The following CCDC97 variants were observed in gnomAD, a reference collection of about 807,000 sequenced individuals.
CCDC97 encodes coiled-coil domain containing 97, also known as coiled-coil domain-containing protein 97.
In CCDC97, 27 loss-of-function variants were observed where a neutral mutation model predicts 33.9. The ratio of observed to expected loss-of-function variants is 0.80; its 90% CI spans 0.59 to 1.10. The LOEUF is 1.10. Among genes scored for constraint, CCDC97 ranks in the 50% least tolerant of loss-of-function variants. CCDC97 has a pLI of 0.00. For synonymous variants in CCDC97, 217 were observed against 194.0 expected (o/e 1.12, Z -0.99); for missense variants, 422 against 476.6 (o/e 0.89, Z 1.07).
chr19:41,318,366 C>T (rs1393872229), intron 2 of CCDC97, among the ~76,000 whole-genome samples: 1 of 152,128 alleles, frequency 6.6e-6, no homozygotes, highest in African/African-American at 2.4e-5. Context: ...GCAGGAGAAT[C>T]ACTTGAACCC....
At chr19:41,310,473 C>T in intron 1 of CCDC97, 117 bp downstream of exon 1, 1 of 1,510,210 alleles carries the variant, frequency 6.6e-7, no homozygotes, top group Non-Finnish European at 8.9e-7. Flanking sequence ...CCCCCCTCAG[C>T]TTTACCGGTC....
rs140569847 is a variant in CCDC97, at chr19:41,319,701, C to T, written c.630C>T (p.Pro210=). 1.0e-4 allele frequency: 167 copies of T among 1,613,966 alleles called. No homozygotes were observed. The highest frequency in any genetic ancestry group is 1.3e-4 in the Non-Finnish European group (152 of 1,179,878). ...ARTPTHQPPK[P]GSPGRPACPL... is the part of the protein sequence containing the mutation. The stretch of plus-strand genomic sequence containing the variant: ...CCCCAACCCACCAGCCCCCCAAGCC[C>T]GGGTCCCCCGGGAGACCTGCTTGCC... Residue 210 remains proline (P), a synonymous_variant, in exon 3 of 5, where the codon CCC becomes CCT. Transcript: ENST00000269967.
intron 1 of CCDC97, among the ~76,000 whole-genome samples, chr19:41,313,991 G>A (rs1036825054): frequency 6.6e-6 from 1 of 151,928 alleles, no homozygotes; most frequent in Non-Finnish European, 1.5e-5. Context: ...GAGCCATGGT[G>A]CCCAGCCAGC....
intron 4 of CCDC97, among the ~76,000 whole-genome samples, chr19:41,321,260 C>T (rs1425367612): frequency 1.3e-4 from 20 of 152,374 alleles, no homozygotes; most frequent in Non-Finnish European, 7.3e-5. Flanking sequence ...CTGGCTGCTC[C>T]ACTTCCAGCC....
intron 4 of CCDC97, among the ~76,000 whole-genome samples, chr19:41,321,017 G>A (rs2037819380): frequency 6.6e-6 from 1 of 152,244 alleles, no homozygotes; most frequent in African/African-American, 2.4e-5. Flanking sequence ...TGTCATTTAA[G>A]GTAGCTTTGC....
chr19:41,322,640 A>G lies in CCDC97; in HGVS notation c.957A>G (p.Ala319=), dbSNP rs1370288755. The G allele has an allele frequency of 2.5e-6, 4 of 1,613,368 alleles. No homozygotes were observed. In the Admixed American group the frequency reaches 6.7e-5, roughly 27 times the overall value. The change falls in exon 5 of 5, where the codon GCA becomes GCG. Residue 319 remains alanine, a synonymous_variant. Coordinates refer to ENST00000269967, the MANE Select transcript of CCDC97 (RefSeq NM_052848.3). The part of the protein sequence containing the change: ...NPDFDNLDIV[A]RDEEERYFDE... ...ACTTCGACAACCTCGACATCGTGGC[A>G]CGGGATGAGGAGGAGAGGTACTTTG...
chr19:41,311,806 G>A (rs1381072611), intron 1 of CCDC97, among the ~76,000 whole-genome samples: 6 of 151,652 alleles, frequency 4.0e-5, no homozygotes, highest in Non-Finnish European at 8.8e-5. Context: ...GTCTGAGGCG[G>A]GAGGATCACT....
rs755824909 is a variant in CCDC97, at chr19:41,320,467, A to G, written c.908A>G (p.Tyr303Cys). Residue 303 changes from tyrosine to cysteine, a missense_variant, in exon 4 of 5, where the codon TAC becomes TGC. By Grantham distance (194) the Tyr-to-Cys change is radical. Transcript: ENST00000269967. ...GATGGCAAGGACGGGGACTTTGACT[A>G]CAGGTGCTCCTGTGCCTCCACCTCC... Reference protein sequence around the residue: ...FLDGKDGDFDYSTVDDNPDFD... With the variant: ...FLDGKDGDFDCSTVDDNPDFD... 5 of 1,613,800 alleles carry G rather than the reference A, an allele frequency of 3.1e-6. No homozygotes were observed. The highest frequency in any genetic ancestry group is 4.2e-6 in the Non-Finnish European group (5 of 1,179,918).
chr19:41,316,537 T>C lies in CCDC97; in HGVS notation c.200T>C (p.Leu67Pro), dbSNP rs1268760375. 6.2e-7 allele frequency: 1 copy of C among 1,614,256 alleles called. No homozygotes were observed. Reference protein sequence around the residue: ...GAENAAVSAMLHAVAASRLPV... With the variant: ...GAENAAVSAMPHAVAASRLPV... ...GAAAATGCAGCAGTGAGTGCTATGC[T>C]GCACGCTGTAGCCGCCAGCCGCCTG... The change falls in exon 2 of 5, where the codon CTG becomes CCG. Residue 67 changes from leucine to proline, a missense_variant. By Grantham distance (98) the Leu-to-Pro change is moderately conservative. Coordinates refer to ENST00000269967, the MANE Select transcript of CCDC97 (RefSeq NM_052848.3).
At position 41,322,774 on chromosome 19, in the gene CCDC97, C is replaced by T; in HGVS notation, c.*59C>T. 1 of 1,579,796 alleles carries T rather than the reference C, an allele frequency of 6.3e-7. No individual in the cohort carries two copies. The highest frequency in any genetic ancestry group is 1.7e-4 in the Middle Eastern group (1 of 5,862). On this transcript the variant is annotated 3_prime_UTR_variant, in exon 5 of 5. Coordinates refer to ENST00000269967, the MANE Select transcript of CCDC97 (RefSeq NM_052848.3). The stretch of plus-strand genomic sequence containing the variant: ...CCATCCCCAACAAGGCAGCTGATTC[C>T]AGGCCTGCTCAGTGACCCTTTCTCT...
rs756032515 is a variant in CCDC97, at chr19:41,322,632, A to G, written c.949A>G (p.Ile317Val). 1 of 1,613,398 alleles carries G rather than the reference A, an allele frequency of 6.2e-7. No individual in the cohort carries two copies. The highest frequency in any genetic ancestry group is 1.1e-5 in the South Asian group (1 of 91,064). Residue 317 changes from isoleucine to valine, a missense_variant, in exon 5 of 5, where the codon ATC (isoleucine) becomes GTC (valine). Transcript: ENST00000269967. The stretch of plus-strand genomic sequence containing the variant: ...CAACCCCGACTTCGACAACCTCGAC[A>G]TCGTGGCACGGGATGAGGAGGAGAG... ...DDNPDFDNLD[I>V]VARDEEERYF...
intron 4 of CCDC97, 72 bp from the exon 5 acceptor site, chr19:41,322,523 C>T: frequency 6.5e-7 from 1 of 1,531,318 alleles, no homozygotes. Flanking sequence ...CATCAGGGTG[C>T]CCCAGGCCTT....
chr19:41,310,976 G>C (rs1177070167), intron 1 of CCDC97: 2 of 590,802 alleles, frequency 3.4e-6, no homozygotes, highest in African/African-American at 4.1e-5. Flanking sequence ...CCAAGAATTG[G>C]TAATTGTGGA....
chr19:41,310,602 CT>C (rs1410370954), intron 1 of CCDC97: 1 of 985,274 alleles, frequency 1.0e-6, no homozygotes, highest in Non-Finnish European at 1.2e-6. Flanking sequence ...TTCCATGTCC[CT>C]AATTCATTTC....
chr19:41,317,791 G>A (rs1175945307), intron 2 of CCDC97, among the ~76,000 whole-genome samples: 3 of 151,172 alleles, frequency 2.0e-5, no homozygotes, highest in Admixed American at 6.6e-5. Flanking sequence ...CACTCAAGCC[G>A]GTGATCCCAG....
rs200453165 is a variant in CCDC97 at position 41,316,625 on chromosome 19, G to T, written c.288G>T (p.Leu96=). ...DLTEHEKVAI[L]AQLYHEKPLV... ...CAGAGCATGAGAAAGTGGCCATCCT[G>T]GCCCAGCTGTACCACGAGAAGCCAC... Residue 96 remains leucine (L), a synonymous_variant, in exon 2 of 5, where the codon CTG becomes CTT. Coordinates refer to ENST00000269967, the MANE Select transcript of CCDC97 (RefSeq NM_052848.3). The T allele has an allele frequency of 1.2e-6, 2 of 1,614,212 alleles. No homozygotes were observed. Among genetic ancestry groups the T allele is most frequent in the African/African-American group, 2.7e-5 (2 of 75,068 alleles).
intron 4 of CCDC97, 99 bp downstream of exon 4, chr19:41,320,569 G>A (rs750319009): frequency 4.1e-6 from 6 of 1,477,404 alleles, no homozygotes; most frequent in Admixed American, 1.7e-5. Context: ...CTCCCTTTGT[G>A]GAGCTACAAG....
intron 1 of CCDC97, among the ~76,000 whole-genome samples, chr19:41,311,379 T>C (rs2123050475): frequency 6.6e-6 from 1 of 152,204 alleles, no homozygotes; most frequent in East Asian, 1.9e-4. Context: ...GAGTGAGACT[T>C]GAGCCCAGGA....
At chr19:41,317,100 T>C (rs1358569465) in intron 2 of CCDC97, among the ~76,000 whole-genome samples, 1 of 152,108 alleles carries the variant, frequency 6.6e-6, no homozygotes, top group Non-Finnish European at 1.5e-5. Context: ...CATTTCAGAT[T>C]GGTAGGCTGA....
Sources: allele counts gnomAD v4.1 joint callset (sites outside exome capture counted in the v4.1 genomes callset), GRCh38; gene constraint gnomAD v4.1.1; transcripts MANE v1.5; gene names NCBI Gene and HGNC (gene_info 2026-07-23, HGNC 2026-07-21).